The following MEF2C variants were observed in gnomAD, a reference collection of about 807,000 sequenced individuals.
The protein encoded by MEF2C is myocyte-specific enhancer factor 2C.
Under a neutral mutation model 50.5 loss-of-function variants are expected in MEF2C, and 6 were observed. The observed-to-expected ratio is 0.12, with a 90% CI of 0.07 to 0.23. The LOEUF (loss-of-function observed/expected upper bound fraction) is 0.23. Ranked by LOEUF, MEF2C falls within the 10% of genes least tolerant of loss-of-function variation. The probability of loss-of-function intolerance (pLI) is 1.00; values close to 1 mark genes in which losing one functional copy is unlikely to be tolerated. For missense variants in MEF2C, 276 were observed against 605.0 expected (o/e 0.46, Z 5.70); for synonymous variants, 183 against 228.0 (o/e 0.80, Z 1.78).
At chr5:88,793,734 T>G (rs1452090293) in intron 3 of MEF2C, among the ~76,000 whole-genome samples, 4 of 152,176 alleles carry the variant, frequency 2.6e-5, no homozygotes, top group Non-Finnish European at 4.4e-5. Flanking sequence ...CATGGTGGTT[T>G]GCTGCGCCCA....
At chr5:88,771,449 A>G (rs1009333343) in intron 3 of MEF2C, 1 of 985,294 alleles carries the variant, frequency 1.0e-6, no homozygotes, top group African/African-American at 1.7e-5. Context: ...ACGCTTGTAG[A>G]AGGCACTCAG....
chr5:88,829,372 T>A (rs1242675609), intron 1 of MEF2C, among the ~76,000 whole-genome samples: 1 of 152,068 alleles, frequency 6.6e-6, no homozygotes, highest in Non-Finnish European at 1.5e-5. Flanking sequence ...ATCTAAGCAC[T>A]GAGTCCTTCT....
At chr5:88,804,332 A>G (rs1467104775) in intron 3 of MEF2C, among the ~76,000 whole-genome samples, 1 of 152,218 alleles carries the variant, frequency 6.6e-6, no homozygotes, top group African/African-American at 2.4e-5. Context: ...ACCACTTGCC[A>G]AAGATGAAGC....
intron 7 of MEF2C, 118 bp downstream of exon 7, chr5:88,731,611 C>G (rs951021789): frequency 1.1e-6 from 1 of 936,136 alleles, no homozygotes; most frequent in Non-Finnish European, 1.7e-6. Context: ...GTCAATGGCA[C>G]TGTTATGTTA....
At chr5:88,744,729 AC>A (rs1414356869) in intron 6 of MEF2C, among the ~76,000 whole-genome samples, 16 of 152,358 alleles carry the variant, frequency 1.1e-4, no homozygotes, top group African/African-American at 3.4e-4. Flanking sequence ...TTTCTCTTAT[AC>A]CAAGAGTACA....
At chr5:88,733,517 G>C in intron 6 of MEF2C, 1 of 985,364 alleles carries the variant, frequency 1.0e-6, no homozygotes, top group Middle Eastern at 5.2e-4. Flanking sequence ...GGACCAGTCT[G>C]GAGACTACTT....
At chr5:88,735,849 A>T in intron 6 of MEF2C, 1 of 985,434 alleles carries the variant, frequency 1.0e-6, no homozygotes, top group Non-Finnish European at 1.2e-6. Flanking sequence ...TCACTTGAAC[A>T]TGTAGCTCTC....
chr5:88,764,735 G>A lies in MEF2C; in HGVS notation c.259-3407C>T, dbSNP rs1331862125. 3.4e-5 allele frequency among the ~76,000 whole-genome samples: 5 copies of A among 146,370 alleles called. 1 individual carries two copies. The Admixed American group carries it at 3.4e-4, about 10-fold the overall frequency. ...ACACAGGAAAATCACTTGAACCCGG[G>A]AGCCAGAGATTGCAGTGAGCCGAGA... On this transcript the variant is annotated intron_variant, in intron 3 of 10. Transcript: ENST00000504921.
chr5:88,719,106 CA>C lies in MEF2C; in HGVS notation c.*3497del, dbSNP rs1398510967. ...GAAACAAACAACAAAATAAAGAGGG[CA>C]AAAAATGCTATCTCTAAGTTAAAAG... is the stretch of plus-strand genomic sequence containing the variant. On this transcript the variant is annotated 3_prime_UTR_variant, in exon 11 of 11. Transcript: ENST00000504921. 6 of 151,968 alleles carry C rather than the reference CA, an allele frequency of 3.9e-5. No homozygotes were observed. Among genetic ancestry groups the C allele is most frequent in the Middle Eastern group, 3.4e-3 (1 of 294 alleles). The allele number at this position is 151,968 out of a possible 1,614,324, so 9.4% of individuals were successfully genotyped here. A position where few individuals can be genotyped will look rare whatever the true frequency, so the allele number is the denominator to read the frequency against.
chr5:88,739,143 C>A (rs762780896), intron 6 of MEF2C: 36 of 984,732 alleles, frequency 3.7e-5, no homozygotes, highest in Non-Finnish European at 4.0e-5. Context: ...TTAGTATCTG[C>A]GATTAGTTGT....
At chr5:88,739,129 T>C in intron 6 of MEF2C, 1 of 985,290 alleles carries the variant, frequency 1.0e-6, no homozygotes, top group African/African-American at 1.7e-5. Flanking sequence ...ATGTCCAGTA[T>C]TTTTTAGTAT....
intron 1 of MEF2C, among the ~76,000 whole-genome samples, chr5:88,864,139 GTT>G (rs75251768): frequency 5.9e-4 from 32 of 54,264 alleles, no homozygotes; most frequent in African/African-American, 7.0e-4. Flanking sequence ...CATGTTTTCT[GTT>G]TTTTTTTTTG....
intron 1 of MEF2C, among the ~76,000 whole-genome samples, chr5:88,854,567 G>C (rs113795606): frequency 0.035 from 5,382 of 152,164 alleles, 102 homozygotes; most frequent in Non-Finnish European, 0.041. Context: ...ACTTTTCCTA[G>C]ATCTCTCTCA....
intron 2 of MEF2C, among the ~76,000 whole-genome samples, chr5:88,818,382 G>A (rs1220199893): frequency 2.0e-5 from 3 of 151,822 alleles, no homozygotes; most frequent in Non-Finnish European, 4.4e-5. Context: ...TGTTTCAGGA[G>A]CATGATTAAA....
intron 1 of MEF2C, among the ~76,000 whole-genome samples, chr5:88,851,038 T>C (rs1423648904): frequency 6.6e-6 from 1 of 151,970 alleles, no homozygotes; most frequent in Non-Finnish European, 1.5e-5. Context: ...TGCAGTATAT[T>C]CCTGTCCAAC....
chr5:88,889,055 G>C (rs1834259929), intron 1 of MEF2C: 1 of 152,060 alleles, frequency 6.6e-6, no homozygotes, highest in East Asian at 1.9e-4. Context: ...CTTTACCCGG[G>C]GTTGTGGTGG....
At chr5:88,891,162 A>G (rs1834504184) in intron 1 of MEF2C, among the ~76,000 whole-genome samples, 2 of 152,320 alleles carry the variant, frequency 1.3e-5, no homozygotes, top group Admixed American at 1.3e-4. Context: ...CTTTTCTAAG[A>G]GGCTAATTGG....
chr5:88,885,131 C>T (rs1833939761), upstream of MEF2C, among the ~76,000 whole-genome samples: 1 of 152,092 alleles, frequency 6.6e-6, no homozygotes, highest in Non-Finnish European at 1.5e-5. Flanking sequence ...TACGTTTAAC[C>T]CAATGACTAG....
chr5:88,739,199 T>C (rs894184519), intron 6 of MEF2C: 10 of 977,198 alleles, frequency 1.0e-5, no homozygotes, highest in African/African-American at 1.7e-5. Flanking sequence ...AAAATAATTT[T>C]GTTTAGTAAT....
Sources: gnomAD v4.1 joint callset for allele counts (sites outside exome capture counted in the v4.1 genomes callset) on GRCh38, gnomAD v4.1.1 for gene constraint, MANE v1.5 for transcripts, NCBI Gene and HGNC (gene_info 2026-07-23, HGNC 2026-07-21) for gene names.